The following PPARGC1A variants were observed in gnomAD, a reference collection of about 807,000 sequenced individuals.
PPARGC1A encodes the protein PPARG coactivator 1 alpha.
In PPARGC1A, 25 loss-of-function variants were observed where a neutral mutation model predicts 88.7. The ratio of observed to expected loss-of-function variants is 0.28; its 90% CI spans 0.21 to 0.39. The LOEUF (loss-of-function observed/expected upper bound fraction) is 0.39. PPARGC1A is among the 10% of genes least tolerant of loss of function. The probability of loss-of-function intolerance (pLI) is 1.00; values close to 1 mark genes in which losing one functional copy is unlikely to be tolerated. For missense variants in PPARGC1A, 880 were observed against 968.7 expected (o/e 0.91, Z 1.22); for synonymous variants, 363 against 355.6 (o/e 1.02, Z -0.24).
the PPARGC1A span, among the ~76,000 whole-genome samples, chr4:24,445,808 C>T: frequency 2.0e-5 from 3 of 152,156 alleles, no homozygotes; most frequent in African/African-American, 7.2e-5. Flanking sequence ...TGGTTCACGC[C>T]TCTAATCTCT....
At chr4:23,858,435 G>A (rs1019831007) in intron 2 of PPARGC1A, among the ~76,000 whole-genome samples, 1 of 152,192 alleles carries the variant, frequency 6.6e-6, no homozygotes, top group Non-Finnish European at 1.5e-5. Context: ...CCTACTGCAA[G>A]TCAGTGGTAG....
the PPARGC1A span, among the ~76,000 whole-genome samples, chr4:24,356,065 C>T: frequency 3.3e-5 from 5 of 151,916 alleles, no homozygotes; most frequent in South Asian, 2.1e-4. Context: ...GGCGTGGTGG[C>T]GCGTGCCTGT....
the PPARGC1A span, among the ~76,000 whole-genome samples, chr4:24,181,522 T>A: frequency 6.6e-6 from 1 of 152,304 alleles, no homozygotes; most frequent in South Asian, 2.1e-4. Context: ...TATGATAATT[T>A]TTTGATGAAT....
the PPARGC1A span, among the ~76,000 whole-genome samples, chr4:23,910,106 T>A: frequency 1.6e-3 from 221 of 135,118 alleles, 1 homozygote; most frequent in African/African-American, 5.7e-3. Flanking sequence ...CACATATATA[T>A]GTATATGTGT....
At chr4:23,863,822 C>T (rs1731674805) in intron 2 of PPARGC1A, among the ~76,000 whole-genome samples, 2 of 152,232 alleles carry the variant, frequency 1.3e-5, no homozygotes, top group Non-Finnish European at 2.9e-5. Context: ...TCTCAGCTCA[C>T]TGCAACCTCT....
the PPARGC1A span, among the ~76,000 whole-genome samples, chr4:24,433,956 T>G: frequency 6.6e-6 from 1 of 152,170 alleles, no homozygotes; most frequent in Non-Finnish European, 1.5e-5. Flanking sequence ...TAATGACTGC[T>G]TTTCCCACCC....
At chr4:23,853,717 A>T (rs572488435) in intron 2 of PPARGC1A, among the ~76,000 whole-genome samples, 1 of 152,222 alleles carries the variant, frequency 6.6e-6, no homozygotes, top group South Asian at 2.1e-4. Flanking sequence ...ACTTGATAGG[A>T]TTATGAGACA....
the PPARGC1A span, among the ~76,000 whole-genome samples, chr4:24,124,502 T>C: frequency 6.6e-6 from 1 of 152,208 alleles, no homozygotes; most frequent in Non-Finnish European, 1.5e-5. Context: ...TGACAGTCTA[T>C]GGCATGACCT....
At chr4:23,895,966 GTGTGTGTGTGTGTGTATATA>G (rs202204618) in intron 1 of PPARGC1A, among the ~76,000 whole-genome samples, 28,230 of 90,090 alleles carry the variant, frequency 0.31, 3,070 homozygotes, top group Middle Eastern at 0.42. Flanking sequence ...GTGTGTGTGT[GTGTGTGTGTGTGTGTATATA>G]TATATACACA....
At chr4:24,277,314 A>G in the PPARGC1A span, among the ~76,000 whole-genome samples, 1 of 152,070 alleles carries the variant, frequency 6.6e-6, no homozygotes, top group Non-Finnish European at 1.5e-5. Flanking sequence ...CTTTGATATA[A>G]GAGTCATGCC....
chr4:24,265,844 G>T, the PPARGC1A span, among the ~76,000 whole-genome samples: 1 of 151,650 alleles, frequency 6.6e-6, no homozygotes, highest in Admixed American at 6.6e-5. Context: ...GGAGGCAAAA[G>T]AATAGAGAGA....
the PPARGC1A span, among the ~76,000 whole-genome samples, chr4:24,207,387 A>G: frequency 4.9e-3 from 739 of 152,364 alleles, 6 homozygotes; most frequent in Non-Finnish European, 8.2e-3. Context: ...TTTCACTTTT[A>G]TAAAACATAT....
At chr4:24,470,867 A>G in the PPARGC1A span, among the ~76,000 whole-genome samples, 3 of 151,748 alleles carry the variant, frequency 2.0e-5, no homozygotes, top group African/African-American at 7.3e-5. The surrounding 1 kb of genome is among the most constrained non-coding windows in gnomAD (Gnocchi z 5.8). Flanking sequence ...CCCACGCCGG[A>G]GAGGTCTTCA....
the PPARGC1A span, among the ~76,000 whole-genome samples, chr4:24,262,077 C>T: frequency 6.6e-6 from 1 of 152,156 alleles, no homozygotes; most frequent in African/African-American, 2.4e-5. Context: ...CCAGGAGATG[C>T]ATGCCTAAGA....
intron 2 of PPARGC1A, among the ~76,000 whole-genome samples, chr4:23,853,718 TTATG>T (rs1729711134): frequency 6.6e-6 from 1 of 152,190 alleles, no homozygotes; most frequent in Admixed American, 6.5e-5. Flanking sequence ...CTTGATAGGA[TTATG>T]AGACATTTAG....
intron 2 of PPARGC1A, among the ~76,000 whole-genome samples, chr4:23,876,371 T>C (rs1714690450): frequency 6.6e-6 from 1 of 152,236 alleles, no homozygotes; most frequent in Non-Finnish European, 1.5e-5. Context: ...GTGTCAAGAA[T>C]AAAAATGAAG....
intron 2 of PPARGC1A, among the ~76,000 whole-genome samples, chr4:23,879,431 G>T (rs61076774): frequency 1.3e-5 from 2 of 152,084 alleles, no homozygotes; most frequent in African/African-American, 4.8e-5. Context: ...TGACTCACGA[G>T]TCTAGGAAAG....
the PPARGC1A span, among the ~76,000 whole-genome samples, chr4:23,948,402 C>T: frequency 6.6e-6 from 1 of 152,148 alleles, no homozygotes; most frequent in South Asian, 2.1e-4. Context: ...GTCATGCTTC[C>T]TGTCATAGAT....
the PPARGC1A span, among the ~76,000 whole-genome samples, chr4:24,197,154 G>T: frequency 6.6e-6 from 1 of 152,272 alleles, no homozygotes; most frequent in African/African-American, 2.4e-5. Flanking sequence ...CATTACTAAG[G>T]AAAGTTAGTA....
Sources: allele counts gnomAD v4.1 joint callset (sites outside exome capture counted in the v4.1 genomes callset), GRCh38; gene constraint gnomAD v4.1.1; non-coding constraint Gnocchi (gnomAD v3.1); transcripts MANE v1.5; gene names NCBI Gene and HGNC (gene_info 2026-07-23, HGNC 2026-07-21).